Variants in QSOX2 observed in about 807,000 individuals in gnomAD.
QSOX2 encodes sulfhydryl oxidase 2.
QSOX2 carries 46 observed loss-of-function variants against 61.7 expected under a neutral mutation model. That is an observed-to-expected ratio of 0.75 (90% CI 0.59 to 0.95). The LOEUF is 0.95. Ranked by LOEUF, QSOX2 falls within the 40% of genes least tolerant of loss-of-function variation. The pLI is 0.00. For missense variants in QSOX2, 879 were observed against 918.9 expected (o/e 0.96, Z 0.56); for synonymous variants, 383 against 388.4 (o/e 0.99, Z 0.16).
chr9:136,238,550 G>A (rs1350510406), intron 1 of QSOX2, among the ~76,000 whole-genome samples: 1 of 152,194 alleles, frequency 6.6e-6, no homozygotes, highest in African/African-American at 2.4e-5. Flanking sequence ...TCCAGGCCCT[G>A]AGCAAGCCCG....
intron 1 of QSOX2, among the ~76,000 whole-genome samples, chr9:136,228,351 G>C (rs1021994875): frequency 7.9e-5 from 12 of 152,232 alleles, no homozygotes; most frequent in Non-Finnish European, 1.8e-4. Flanking sequence ...ACATGAGGAA[G>C]GGGAGTGCCT....
rs904288502 is a variant in QSOX2 at position 136,208,170 on chromosome 9, G to C, written c.*558C>G. ...GGATAGTCCCTGGAGCACTTGCTTG[G>C]AGGGGCTGCAGAGGCCGACTGCGCT... On this transcript the variant is annotated 3_prime_UTR_variant, in exon 12 of 12. Transcript: ENST00000358701. The C allele has an allele frequency of 1.3e-5, 2 of 151,406 alleles. No homozygotes were observed. Among genetic ancestry groups the C allele is most frequent in the African/African-American group, 4.9e-5 (2 of 41,094 alleles). 9.4% of individuals were successfully genotyped at this position (151,406 alleles called of 1,614,324 possible). A position where few individuals can be genotyped will look rare whatever the true frequency, so the allele number is the denominator to read the frequency against.
intron 1 of QSOX2, among the ~76,000 whole-genome samples, chr9:136,237,723 G>A (rs1223107350): frequency 2.9e-5 from 4 of 140,350 alleles, no homozygotes; most frequent in East Asian, 2.2e-4. Flanking sequence ...CTGGGCCGGC[G>A]TCACCTGGAG....
chr9:136,237,612 C>T (rs1196987232), intron 1 of QSOX2, among the ~76,000 whole-genome samples: 1 of 147,356 alleles, frequency 6.8e-6, no homozygotes, highest in African/African-American at 2.5e-5. Flanking sequence ...TGGAGCCCAT[C>T]CTGGGCCAGC....
In QSOX2 at chr9:136,221,924, G is replaced by C. The variant is rs771226562; in HGVS notation, c.693C>G (p.Ile231Met). 9 of 1,606,148 alleles carry C rather than the reference G, an allele frequency of 5.6e-6. No homozygotes were observed. In the East Asian group the frequency reaches 1.6e-4, roughly 28 times the overall value. ...YLGREVILDL[I>M]PYESIVVTRA... ...GGGTCACCACGATGCTTTCATACGG[G>C]ATCAGGTCTAAGATCACCTGGGGGA... Residue 231 changes from isoleucine to methionine, a missense_variant, in exon 6 of 12, where the codon ATC (isoleucine) becomes ATG (methionine). Physicochemically the swap from Ile to Met is conservative, Grantham distance 10. Coordinates refer to ENST00000358701, the MANE Select transcript of QSOX2 (RefSeq NM_181701.4). The surrounding 1 kb of genome is among the most constrained non-coding windows in gnomAD (Gnocchi z 4.5).
At chr9:136,213,815 C>T (rs550824438) in intron 10 of QSOX2, among the ~76,000 whole-genome samples, 4 of 152,310 alleles carry the variant, frequency 2.6e-5, no homozygotes, top group South Asian at 4.1e-4. Context: ...GGGGAAGCCA[C>T]GTTCAGGAGT....
At position 136,221,930 on chromosome 9, in the gene QSOX2, G is replaced by C; in HGVS notation, c.687C>G (p.Asp229Glu). Residue 229 changes from aspartate (D) to glutamate (E), a missense_variant, in exon 6 of 12, where the codon GAC (aspartate) becomes GAG (glutamate). Transcript: ENST00000358701. This position sits in a 1 kb window ranked among gnomAD's most constrained non-coding sequence, Gnocchi z 4.5. ...SSYLGREVIL[D>E]LIPYESIVVT... Reference sequence around the variant, plus strand: ...CCACGATGCTTTCATACGGGATCAGGTCTAAGATCACCTGGGGGATGAGAA... The same window carrying C: ...CCACGATGCTTTCATACGGGATCAGCTCTAAGATCACCTGGGGGATGAGAA... 1 of 1,596,436 alleles carries C rather than the reference G, an allele frequency of 6.3e-7. No individual in the cohort carries two copies. The highest frequency in any genetic ancestry group is 8.5e-7 in the Non-Finnish European group (1 of 1,171,430).
chr9:136,221,433 G>A lies in QSOX2; in HGVS notation c.821+363C>T, dbSNP rs1208584632. ...CCAGCCCCAGACACAGACCCAAACT[G>A]CATCCCAAGAGTCCACCCAGAGCAG... On this transcript the variant is annotated intron_variant, in intron 6 of 11. Coordinates refer to ENST00000358701, the MANE Select transcript of QSOX2 (RefSeq NM_181701.4). The surrounding 1 kb of genome is among the most constrained non-coding windows in gnomAD (Gnocchi z 4.5). Among the ~76,000 whole-genome samples, 1 of 152,206 alleles carries A rather than the reference G, an allele frequency of 6.6e-6. No homozygotes were observed. Among genetic ancestry groups the A allele is most frequent in the Non-Finnish European group, 1.5e-5 (1 of 68,026 alleles).
rs768754358 is a variant in QSOX2 at position 136,223,745 on chromosome 9, C to T, written c.675+18G>A. On this transcript the variant is annotated intron_variant, in intron 5 of 11. Coordinates refer to ENST00000358701, the MANE Select transcript of QSOX2 (RefSeq NM_181701.4). The surrounding 1 kb of genome is among the most constrained non-coding windows in gnomAD (Gnocchi z 4.4). ...ATCACACCACGTGTGACACCTGGAGCCCACGCAGAGGCCGTACCTCCCGTC... is the reference window on the plus strand; with the variant it reads ...ATCACACCACGTGTGACACCTGGAGTCCACGCAGAGGCCGTACCTCCCGTC... 2 of 1,606,534 alleles carry T rather than the reference C, an allele frequency of 1.2e-6. No individual in the cohort carries two copies. Among genetic ancestry groups the T allele is most frequent in the African/African-American group, 2.7e-5 (2 of 74,750 alleles).
intron 1 of QSOX2, among the ~76,000 whole-genome samples, chr9:136,231,165 T>C (rs1433614709): frequency 1.3e-5 from 2 of 152,164 alleles, no homozygotes; most frequent in Non-Finnish European, 2.9e-5. Context: ...AAACTGATGC[T>C]CACAGAGGCC....
intron 1 of QSOX2, among the ~76,000 whole-genome samples, chr9:136,233,211 C>G (rs543395005): frequency 6.6e-6 from 1 of 152,174 alleles, no homozygotes; most frequent in African/African-American, 2.4e-5. Flanking sequence ...TCTGGTTGCA[C>G]GAGAAGGCCT....
intron 1 of QSOX2, among the ~76,000 whole-genome samples, chr9:136,229,393 C>T (rs1437606441): frequency 6.6e-6 from 1 of 152,290 alleles, no homozygotes; most frequent in Non-Finnish European, 1.5e-5. Context: ...CCCGGCTCCT[C>T]AGCCCGTGCA....
chr9:136,224,799 G>C, intron 3 of QSOX2, 62 bp downstream of exon 3: 1 of 1,197,630 alleles, frequency 8.3e-7, no homozygotes, highest in South Asian at 1.4e-5. Flanking sequence ...CTGGGACCGT[G>C]TGTCTTTAGC....
At position 136,216,404 on chromosome 9, in the gene QSOX2, C is replaced by T. The variant is rs185802868; in HGVS notation, c.1209+196G>A. 1.3e-3 allele frequency among the ~76,000 whole-genome samples: 201 copies of T among 152,392 alleles called. 1 individual carries two copies. In the South Asian group the frequency reaches 0.019, roughly 14 times the overall value. On this transcript the variant is annotated intron_variant, in intron 9 of 11. Transcript: ENST00000358701. ...GCACTTTTGGTGAGCTGTCCTTAAA[C>T]TGAAGTCCCAGCATGACGCTGCCAA...
At chr9:136,211,147 G>T in intron 11 of QSOX2, 117 bp downstream of exon 11, 1 of 1,117,778 alleles carries the variant, frequency 8.9e-7, no homozygotes, top group Non-Finnish European at 1.3e-6. Flanking sequence ...CACAGTGGGT[G>T]GCACGAGGCC....
At chr9:136,232,917 CAAAAAA>C (rs60814748) in intron 1 of QSOX2, among the ~76,000 whole-genome samples, 1 of 45,518 alleles carries the variant, frequency 2.2e-5, no homozygotes, top group African/African-American at 7.3e-5. Context: ...GAACCTGTCT[CAAAAAA>C]AAAAAAAAAA....
chr9:136,224,294 G>A (rs541332295), intron 3 of QSOX2, among the ~76,000 whole-genome samples, 182 bp from the exon 4 acceptor site: 2 of 152,350 alleles, frequency 1.3e-5, no homozygotes, highest in Admixed American at 6.5e-5. Flanking sequence ...TACAGACAGC[G>A]CTGGATTCAC....
chr9:136,227,839 G>A lies in QSOX2; in HGVS notation c.329-965C>T, dbSNP rs72773795. ...AAAAAATACAAAAAATTAGCTGGGC[G>A]TTGGTGGCGCACACCTGCGGTCCCA... On this transcript the variant is annotated intron_variant, in intron 1 of 11. Transcript: ENST00000358701. Among the ~76,000 whole-genome samples, 541 of 152,224 alleles carry A rather than the reference G, an allele frequency of 3.6e-3. 5 individuals carry two copies. The highest frequency in any genetic ancestry group is 6.0e-3 in the Non-Finnish European group (405 of 68,010).
At chr9:136,245,239 G>A (rs1170305871) in intron 1 of QSOX2, among the ~76,000 whole-genome samples, 1 of 152,198 alleles carries the variant, frequency 6.6e-6, no homozygotes, top group African/African-American at 2.4e-5. Flanking sequence ...CAACTCGTCA[G>A]GATCTAACGG....
Sources: allele counts gnomAD v4.1 joint callset (sites outside exome capture counted in the v4.1 genomes callset), GRCh38; gene constraint gnomAD v4.1.1; non-coding constraint Gnocchi (gnomAD v3.1); transcripts MANE v1.5; gene names NCBI Gene and HGNC (gene_info 2026-07-23, HGNC 2026-07-21).